The following PRKCE variants were observed in gnomAD, a reference collection of about 807,000 sequenced individuals.
PRKCE encodes the protein protein kinase C epsilon.
In PRKCE, 16 loss-of-function variants were observed where a neutral mutation model predicts 85.4. The ratio of observed to expected loss-of-function variants is 0.19; its 90% CI spans 0.13 to 0.28. PRKCE has a LOEUF of 0.28. Among genes scored for constraint, PRKCE ranks in the 10% least tolerant of loss-of-function variants. PRKCE has a pLI of 1.00. For synonymous variants in PRKCE, 388 were observed against 371.5 expected, an observed-to-expected ratio of 1.04 and a Z score of -0.51; for missense variants, 573 against 975.2, an observed-to-expected ratio of 0.59 and a Z score of 5.49.
intron 1 of PRKCE, among the ~76,000 whole-genome samples, chr2:45,710,272 A>C (rs1679505813): frequency 1.3e-5 from 2 of 152,202 alleles, no homozygotes; most frequent in Admixed American, 1.3e-4. Flanking sequence ...ATTAAGGAAC[A>C]CATCCCCAGT....
At chr2:45,870,793 G>T (rs1236214204) in intron 2 of PRKCE, among the ~76,000 whole-genome samples, 1 of 152,176 alleles carries the variant, frequency 6.6e-6, no homozygotes, top group Non-Finnish European at 1.5e-5. Flanking sequence ...TGTGAGTGGG[G>T]GTGCTAATTC....
At chr2:46,055,556 A>T (rs1666495036) in intron 10 of PRKCE, among the ~76,000 whole-genome samples, 1 of 152,168 alleles carries the variant, frequency 6.6e-6, no homozygotes, top group African/African-American at 2.4e-5. Flanking sequence ...TGATTCTTTT[A>T]TACCCCTACC....
At chr2:45,902,016 C>G (rs769652020) in intron 2 of PRKCE, among the ~76,000 whole-genome samples, 24 of 152,164 alleles carry the variant, frequency 1.6e-4, no homozygotes, top group Non-Finnish European at 2.6e-4. Flanking sequence ...ATCTGAATTT[C>G]TAGGTTGTAG....
chr2:45,711,510 A>T (rs528333356), intron 1 of PRKCE, among the ~76,000 whole-genome samples: 1 of 152,402 alleles, frequency 6.6e-6, no homozygotes, highest in East Asian at 1.9e-4. Context: ...TAAATGAATT[A>T]GCATTTGTAA....
intron 10 of PRKCE, among the ~76,000 whole-genome samples, chr2:46,018,987 C>T (rs1182884529): frequency 1.3e-5 from 2 of 152,242 alleles, no homozygotes; most frequent in African/African-American, 4.8e-5. Context: ...GCTGCGCTCT[C>T]TGCAGCAGAA....
chr2:45,769,805 T>G (rs906819104), intron 1 of PRKCE, among the ~76,000 whole-genome samples: 1 of 152,258 alleles, frequency 6.6e-6, no homozygotes, highest in Admixed American at 6.5e-5. Context: ...TAGCCTTTGC[T>G]AAGTGCATCC....
At chr2:45,833,150 AAAAG>A (rs1384096615) in intron 1 of PRKCE, among the ~76,000 whole-genome samples, 10 of 151,802 alleles carry the variant, frequency 6.6e-5, no homozygotes, top group Admixed American at 3.9e-4. Flanking sequence ...AAAAAAAAAA[AAAAG>A]AAAAGAAAAG....
chr2:45,716,711 G>T (rs1680151725), intron 1 of PRKCE, among the ~76,000 whole-genome samples: 1 of 101,618 alleles, frequency 9.8e-6, no homozygotes, highest in African/African-American at 3.6e-5. Flanking sequence ...AGGAAGGAAG[G>T]AAGGAAGGAA....
At chr2:45,962,603 C>CT (rs1245036525) in intron 2 of PRKCE, among the ~76,000 whole-genome samples, 1 of 152,194 alleles carries the variant, frequency 6.6e-6, no homozygotes, top group Non-Finnish European at 1.5e-5. Flanking sequence ...TAGAAATAGA[C>CT]TTTTTTCCTC....
chr2:46,170,954 C>T (rs924194162), intron 14 of PRKCE, among the ~76,000 whole-genome samples: 6 of 152,148 alleles, frequency 3.9e-5, no homozygotes, highest in Non-Finnish European at 8.8e-5. Flanking sequence ...CCAAAAATGT[C>T]CCTGGAATGG....
chr2:45,850,583 A>T (rs187069026), intron 2 of PRKCE, among the ~76,000 whole-genome samples: 36 of 152,260 alleles, frequency 2.4e-4, no homozygotes, highest in Non-Finnish European at 3.7e-4. Flanking sequence ...CTATTACTTT[A>T]TTCTTTTATC....
At chr2:45,879,512 G>T (rs1291529767) in intron 2 of PRKCE, among the ~76,000 whole-genome samples, 2 of 152,202 alleles carry the variant, frequency 1.3e-5, no homozygotes, top group Non-Finnish European at 2.9e-5. Flanking sequence ...GCTGTCCCCA[G>T]ATGGCAAAGC....
chr2:46,081,097 C>A (rs1277984923), intron 10 of PRKCE, among the ~76,000 whole-genome samples: 1 of 152,066 alleles, frequency 6.6e-6, no homozygotes, highest in Non-Finnish European at 1.5e-5. Context: ...GCTCAAGCAA[C>A]CCTCCCACCT....
At chr2:46,086,414 T>A (rs1669644815) in intron 11 of PRKCE, 52 bp downstream of exon 11, 1 of 1,575,014 alleles carries the variant, frequency 6.3e-7, no homozygotes, top group African/African-American at 1.4e-5. Flanking sequence ...TAAAGGATGC[T>A]TCAGACACTT....
intron 2 of PRKCE, among the ~76,000 whole-genome samples, chr2:45,903,911 G>GTTTTTTTTT (rs1371845316): frequency 1.2e-5 from 1 of 83,688 alleles, no homozygotes; most frequent in African/African-American, 3.7e-5. Context: ...TTGTTTGTTT[G>GTTTTTTTTT]TTTGTTTTTT....
intron 10 of PRKCE, among the ~76,000 whole-genome samples, chr2:46,050,984 CCTTT>C (rs1708820527): frequency 6.6e-6 from 1 of 152,156 alleles, no homozygotes. Context: ...GTCATCACTT[CCTTT>C]ATCTCTCCCA....
At chr2:46,071,974 C>T (rs7598174) in intron 10 of PRKCE, among the ~76,000 whole-genome samples, 46,401 of 152,098 alleles carry the variant, frequency 0.31, 9,043 homozygotes, top group African/African-American at 0.54. Context: ...TTTAAACACA[C>T]GCGGGAATTC....
rs745492152 is a variant in PRKCE, at chr2:46,184,847, G to C, written c.2180G>C (p.Gly727Ala). ...CAGATCAACCAGGAGGAATTCAAAG[G>C]TTTCTCCTACTTTGGTGAAGACCTG... ...VKQINQEEFKGFSYFGEDLMP is the reference protein window; with the variant it reads ...VKQINQEEFKAFSYFGEDLMP The change falls in exon 15 of 15, where the codon GGT (glycine) becomes GCT (alanine). Residue 727 changes from glycine (G) to alanine (A), a missense_variant. Around this residue, in one of 11 missense-constraint regions of PRKCE, gnomAD observed 45 missense variants for 39.1 expected, o/e 1.15. Coordinates refer to ENST00000306156, the MANE Select transcript of PRKCE (RefSeq NM_005400.3). This position sits in a 1 kb window ranked among gnomAD's most constrained non-coding sequence, Gnocchi z 5.0. 7 of 1,599,780 alleles carry C rather than the reference G, an allele frequency of 4.4e-6. No individual in the cohort carries two copies. In the South Asian group the frequency reaches 6.6e-5, roughly 15 times the overall value.
chr2:45,687,416 A>G (rs918014097), intron 1 of PRKCE, among the ~76,000 whole-genome samples: 5 of 152,242 alleles, frequency 3.3e-5, no homozygotes, highest in Non-Finnish European at 7.3e-5. Context: ...AATGATAAAC[A>G]TAAAAACATT....
Sources: allele counts gnomAD v4.1 joint callset (sites outside exome capture counted in the v4.1 genomes callset), GRCh38; gene constraint gnomAD v4.1.1; regional missense constraint gnomAD v4.1.1; non-coding constraint Gnocchi (gnomAD v3.1); transcripts MANE v1.5; gene names NCBI Gene and HGNC (gene_info 2026-07-23, HGNC 2026-07-21).